Variants in SLC24A2 observed in about 807,000 individuals in gnomAD.
SLC24A2 encodes the protein solute carrier family 24 member 2.
SLC24A2 carries 36 observed loss-of-function variants against 62.0 expected under a neutral mutation model. That is an observed-to-expected ratio of 0.58 (90% CI 0.44 to 0.77). The LOEUF is 0.77. Ranked by LOEUF, SLC24A2 falls within the 30% of genes least tolerant of loss-of-function variation. The pLI, the probability that SLC24A2 is intolerant of heterozygous loss-of-function variation, is 0.00. For synonymous variants in SLC24A2, 358 were observed against 294.0 expected, an observed-to-expected ratio of 1.22 and a Z score of -2.23; for missense variants, 846 against 817.9, an observed-to-expected ratio of 1.03 and a Z score of -0.42.
intron 7 of SLC24A2, among the ~76,000 whole-genome samples, chr9:19,560,174 G>A (rs1028882416): frequency 1.3e-5 from 2 of 152,204 alleles, no homozygotes; most frequent in Non-Finnish European, 1.5e-5. Context: ...AAAACAGGGA[G>A]AGTCTGGAAG....
chr9:19,775,117 T>C (rs1055452073), intron 2 of SLC24A2, among the ~76,000 whole-genome samples: 3 of 152,198 alleles, frequency 2.0e-5, no homozygotes, highest in South Asian at 2.1e-4. Context: ...CCTTTAAAAC[T>C]GTGAACACTA....
the SLC24A2 span, among the ~76,000 whole-genome samples, chr9:20,235,238 G>A: frequency 6.6e-6 from 1 of 152,212 alleles, no homozygotes; most frequent in Non-Finnish European, 1.5e-5. Flanking sequence ...GGAGAACCAT[G>A]CTCTCTTCAA....
At chr9:19,940,935 C>T in the SLC24A2 span, among the ~76,000 whole-genome samples, 1 of 152,164 alleles carries the variant, frequency 6.6e-6, no homozygotes, top group Non-Finnish European at 1.5e-5. Context: ...CCTTTCCTTT[C>T]AGGGAGATAA....
At chr9:19,858,667 C>T in the SLC24A2 span, among the ~76,000 whole-genome samples, 1 of 151,898 alleles carries the variant, frequency 6.6e-6, no homozygotes, top group Non-Finnish European at 1.5e-5. Flanking sequence ...AAAAATCAAA[C>T]AGCCCCATTA....
chr9:19,670,618 T>A (rs1293045577), intron 2 of SLC24A2, among the ~76,000 whole-genome samples: 1 of 152,212 alleles, frequency 6.6e-6, no homozygotes, highest in Non-Finnish European at 1.5e-5. Context: ...ATTACATTAT[T>A]TGTCCAAGAG....
the SLC24A2 span, among the ~76,000 whole-genome samples, chr9:20,298,306 T>C: frequency 6.6e-6 from 1 of 152,230 alleles, no homozygotes; most frequent in African/African-American, 2.4e-5. Context: ...CTCGGCTCAC[T>C]GTACCTCCAC....
At chr9:19,900,130 C>T in the SLC24A2 span, among the ~76,000 whole-genome samples, 1 of 152,208 alleles carries the variant, frequency 6.6e-6, no homozygotes, top group Non-Finnish European at 1.5e-5. Context: ...CCTGTTAAGC[C>T]TCTGTGCTCT....
chr9:20,125,277 A>G, the SLC24A2 span, among the ~76,000 whole-genome samples: 1 of 152,206 alleles, frequency 6.6e-6, no homozygotes, highest in South Asian at 2.1e-4. Flanking sequence ...TGACCTGGAT[A>G]TATGTATTCA....
At chr9:19,892,276 T>C in the SLC24A2 span, among the ~76,000 whole-genome samples, 7 of 152,214 alleles carry the variant, frequency 4.6e-5, no homozygotes, top group Admixed American at 2.6e-4. Context: ...GTCTGTCCCC[T>C]GCTCTCATCC....
the SLC24A2 span, among the ~76,000 whole-genome samples, chr9:20,304,502 T>A: frequency 6.6e-6 from 1 of 152,236 alleles, no homozygotes; most frequent in African/African-American, 2.4e-5. Flanking sequence ...ATAATTCTCA[T>A]TGGTATTTTA....
At chr9:19,696,812 C>T (rs1367716258) in intron 2 of SLC24A2, among the ~76,000 whole-genome samples, 1 of 151,968 alleles carries the variant, frequency 6.6e-6, no homozygotes, top group Non-Finnish European at 1.5e-5. Flanking sequence ...AATGTATGGG[C>T]TTTCTTTAAA....
chr9:20,046,079 G>A, the SLC24A2 span, among the ~76,000 whole-genome samples: 2 of 152,228 alleles, frequency 1.3e-5, no homozygotes, highest in East Asian at 3.9e-4. Context: ...CCTTTCAGAA[G>A]AAGAATTCTG....
chr9:19,590,594 C>G (rs895082676), intron 5 of SLC24A2, among the ~76,000 whole-genome samples: 2 of 152,102 alleles, frequency 1.3e-5, no homozygotes, highest in African/African-American at 2.4e-5. Context: ...TCCTGAAGAT[C>G]GTAGAACCTA....
chr9:20,021,365 A>T, the SLC24A2 span, among the ~76,000 whole-genome samples: 1 of 151,824 alleles, frequency 6.6e-6, no homozygotes, highest in African/African-American at 2.4e-5. Flanking sequence ...ATATATATTT[A>T]TATATACACA....
chr9:19,625,041 G>C (rs545430465), intron 2 of SLC24A2, among the ~76,000 whole-genome samples: 65 of 152,300 alleles, frequency 4.3e-4, no homozygotes, highest in Non-Finnish European at 7.6e-4. Context: ...GGTTGGCCTA[G>C]TGTTGTGAAT....
chr9:20,165,935 G>T, the SLC24A2 span, among the ~76,000 whole-genome samples: 2 of 151,602 alleles, frequency 1.3e-5, no homozygotes, highest in Non-Finnish European at 2.9e-5. Context: ...TTTTAAATTG[G>T]GCAAGGGGGA....
chr9:19,869,888 C>T, the SLC24A2 span, among the ~76,000 whole-genome samples: 1 of 152,196 alleles, frequency 6.6e-6, no homozygotes, highest in African/African-American at 2.4e-5. Flanking sequence ...TCTGGTGTCA[C>T]TTCCTTTCAA....
chr9:19,870,084 G>C, the SLC24A2 span, among the ~76,000 whole-genome samples: 3 of 151,980 alleles, frequency 2.0e-5, no homozygotes, highest in Non-Finnish European at 4.4e-5. Context: ...TCTTTTTTTA[G>C]TTTATTCATA....
the SLC24A2 span, among the ~76,000 whole-genome samples, chr9:19,834,360 CA>C: frequency 6.6e-6 from 1 of 152,028 alleles, no homozygotes; most frequent in Admixed American, 6.5e-5. Flanking sequence ...CTAGAATAAC[CA>C]ATGCAGAGAA....
Sources: gnomAD v4.1 joint callset for allele counts (sites outside exome capture counted in the v4.1 genomes callset) on GRCh38, gnomAD v4.1.1 for gene constraint, MANE v1.5 for transcripts, NCBI Gene and HGNC (gene_info 2026-07-23, HGNC 2026-07-21) for gene names.